LONRF1: variants seen among roughly 807,000 people sequenced by gnomAD.
LONRF1 encodes the protein LON peptidase N-terminal domain and ring finger 1.
A neutral mutation model predicts 85.8 loss-of-function variants in LONRF1; 37 were observed. The observed-to-expected ratio is 0.43, with a 90% CI of 0.33 to 0.57. The LOEUF (loss-of-function observed/expected upper bound fraction) is 0.57. LONRF1 is among the 20% of genes least tolerant of loss of function. LONRF1 has a pLI of 0.04. For synonymous variants in LONRF1, 517 were observed against 390.1 expected (o/e 1.33, Z -3.83); for missense variants, 1,036 against 978.0 (o/e 1.06, Z -0.79).
At chr8:12,738,424 G>T (rs895621095) in intron 3 of LONRF1, among the ~76,000 whole-genome samples, 1 of 152,188 alleles carries the variant, frequency 6.6e-6, no homozygotes, top group East Asian at 1.9e-4. Flanking sequence ...TCAACACAAA[G>T]ACTATAAAAA....
chr8:12,736,804 A>T lies in LONRF1; in HGVS notation c.1355-7T>A. 6.3e-7 allele frequency: 1 copy of T among 1,598,010 alleles called. No homozygotes were observed. The highest frequency in any genetic ancestry group is 2.2e-5 in the East Asian group (1 of 44,690). On this transcript the variant is annotated splice_polypyrimidine_tract_variant and splice_region_variant and intron_variant, in intron 5 of 11. Transcript: ENST00000398246. ...CAGACTTCATTGGGAGTTTCTATTAAAACAAAGACATGGGGTTTTCTTCCT... is the reference window on the plus strand; with the variant it reads ...CAGACTTCATTGGGAGTTTCTATTATAACAAAGACATGGGGTTTTCTTCCT...
At position 12,722,926 on chromosome 8, in the gene LONRF1, T is replaced by A; in HGVS notation, c.*170A>T. ...CTGTGCAAGTTCTTAGTGGTCTAAA[T>A]CCTAGTTGAAGGTATTCATTTGCAG... is the stretch of plus-strand genomic sequence containing the variant. On this transcript the variant is annotated 3_prime_UTR_variant, in exon 12 of 12. Coordinates refer to ENST00000398246, the MANE Select transcript of LONRF1 (RefSeq NM_152271.5). 1.7e-6 allele frequency: 1 copy of A among 597,704 alleles called. No homozygotes were observed. Among genetic ancestry groups the A allele is most frequent in the Non-Finnish European group, 2.9e-6 (1 of 348,096 alleles). The allele number at this position is 597,704 out of a possible 1,614,324, so 37.0% of individuals were successfully genotyped here.
chr8:12,749,168 C>G (rs965246119), intron 1 of LONRF1, among the ~76,000 whole-genome samples: 3 of 152,114 alleles, frequency 2.0e-5, no homozygotes, highest in Non-Finnish European at 2.9e-5. Context: ...TATCTCAAAA[C>G]AAAGTGATGA....
At chr8:12,743,490 G>A (rs963042876) in intron 1 of LONRF1, among the ~76,000 whole-genome samples, 1 of 152,110 alleles carries the variant, frequency 6.6e-6, no homozygotes, top group African/African-American at 2.4e-5. Flanking sequence ...ATTGTAAGTA[G>A]ATCATTTTAG....
intron 10 of LONRF1, 83 bp from the exon 11 acceptor site, chr8:12,725,962 G>A: frequency 2.3e-6 from 3 of 1,330,756 alleles, no homozygotes; most frequent in Non-Finnish European, 3.1e-6. Context: ...ATGGAAAAAG[G>A]GATCAGAAGA....
intron 6 of LONRF1, 145 bp from the exon 7 acceptor site, chr8:12,735,545 A>G (rs1039704038): frequency 8.2e-6 from 5 of 607,746 alleles, no homozygotes; most frequent in South Asian, 3.9e-5. Flanking sequence ...AAGGGCAGTG[A>G]TAAGTGTAAC....
At position 12,755,396 on chromosome 8, in the gene LONRF1, T is replaced by A. The variant is rs1799603745; in HGVS notation, c.25A>T (p.Thr9Ser). Residue 9 changes from threonine (T) to serine (S), a missense_variant, in exon 1 of 12, where the codon ACC (threonine) becomes TCC (serine). This residue lies in a region of LONRF1 where 742 missense variants were observed against 614.4 expected (regional missense o/e 1.21). Coordinates refer to ENST00000398246, the MANE Select transcript of LONRF1 (RefSeq NM_152271.5). ...ATCTCCCGACTCCCTCCTGGGGAGG[T>A]CCTCGCCACCGCCGGAGAGGACATG... MSSPAVAR[T>S]SPGGSREMAP... 6.0e-6 allele frequency: 7 copies of A among 1,168,518 alleles called. No individual in the cohort carries two copies. The East Asian group carries it at 2.8e-4, about 47-fold the overall frequency. The allele number at this position is 1,168,518 out of a possible 1,614,324, so 72.4% of individuals were successfully genotyped here.
chr8:12,744,159 A>T (rs1799051070), intron 1 of LONRF1, among the ~76,000 whole-genome samples: 1 of 152,222 alleles, frequency 6.6e-6, no homozygotes, highest in Non-Finnish European at 1.5e-5. Context: ...TCATTGTAAG[A>T]TGGGCATAAA....
chr8:12,738,178 T>C (rs1420999186), intron 3 of LONRF1, 34 bp from the exon 4 acceptor site: 3 of 1,340,706 alleles, frequency 2.2e-6, no homozygotes, highest in South Asian at 1.5e-5. Flanking sequence ...GTAGAAAATA[T>C]AAAATATTTG....
Position 12,755,226 on chromosome 8 carries a change from C to T in LONRF1, c.195G>A (p.Lys65=), listed in dbSNP as rs1267772866. The part of the protein sequence containing the change: ...GELLALGGHL[K]GALEAFAAAL... ...CCGCCGCGAACGCCTCCAGCGCGCCCTTCAGGTGGCCGCCCAGCGCCAGCA... is the reference window on the plus strand; with the variant it reads ...CCGCCGCGAACGCCTCCAGCGCGCCTTTCAGGTGGCCGCCCAGCGCCAGCA... The change falls in exon 1 of 12, where the codon AAG becomes AAA. Residue 65 remains lysine, a synonymous_variant. Coordinates refer to ENST00000398246, the MANE Select transcript of LONRF1 (RefSeq NM_152271.5). The T allele has an allele frequency of 8.0e-7, 1 of 1,245,814 alleles. No individual in the cohort carries two copies. The highest frequency in any genetic ancestry group is 1.0e-6 in the Non-Finnish European group (1 of 998,426). The allele number at this position is 1,245,814 out of a possible 1,614,324, so 77.2% of individuals were successfully genotyped here.
intron 1 of LONRF1, among the ~76,000 whole-genome samples, chr8:12,752,257 AAAG>A (rs1799437547): frequency 6.6e-6 from 1 of 152,210 alleles, no homozygotes; most frequent in South Asian, 2.1e-4. Context: ...TGCCAATTCC[AAAG>A]AAGTTAAAGC....
chr8:12,738,169 T>A (rs752456896), intron 3 of LONRF1, 25 bp from the exon 4 acceptor site: 1 of 1,377,118 alleles, frequency 7.3e-7, no homozygotes, highest in Non-Finnish European at 9.9e-7. Context: ...TTAAAAGTAG[T>A]AGAAAATATA....
At chr8:12,751,467 G>A (rs1799401278) in intron 1 of LONRF1, among the ~76,000 whole-genome samples, 2 of 150,828 alleles carry the variant, frequency 1.3e-5, no homozygotes, top group African/African-American at 2.4e-5. Context: ...CCACGCCTGG[G>A]TAATTTTTTG....
intron 7 of LONRF1, among the ~76,000 whole-genome samples, chr8:12,733,705 AC>A (rs1335208000): frequency 6.6e-6 from 1 of 152,198 alleles, no homozygotes; most frequent in African/African-American, 2.4e-5. Context: ...TATATATCCA[AC>A]AACAAAGAAA....
chr8:12,751,765 A>G (rs1799416934), intron 1 of LONRF1, among the ~76,000 whole-genome samples: 1 of 151,486 alleles, frequency 6.6e-6, no homozygotes, highest in African/African-American at 2.4e-5. Context: ...AGGTGAACAC[A>G]CGAAGGAGAT....
intron 7 of LONRF1, 122 bp from the exon 8 acceptor site, chr8:12,731,979 TAGTG>T: frequency 1.1e-6 from 1 of 903,244 alleles, no homozygotes; most frequent in Non-Finnish European, 1.7e-6. Flanking sequence ...CTGGATTAAT[TAGTG>T]AGGGGAACAT....
At position 12,754,728 on chromosome 8, in the gene LONRF1, C is replaced by T; in HGVS notation, c.693G>A (p.Leu231=). ...CTCGCAGCGCCTCGCAGGCGGCGGC[C>T]AGGGCCTCCCGGTAGCGCCCCTGGT... The part of the protein sequence containing the change: ...LLHQGRYREA[L]AAACEALRAE... Residue 231 remains leucine, a synonymous_variant, in exon 1 of 12, where the codon CTG becomes CTA. Coordinates refer to ENST00000398246, the MANE Select transcript of LONRF1 (RefSeq NM_152271.5). 2 of 1,415,250 alleles carry T rather than the reference C, an allele frequency of 1.4e-6. No individual in the cohort carries two copies. The allele number at this position is 1,415,250 out of a possible 1,614,324, so 87.7% of individuals were successfully genotyped here. A position where few individuals can be genotyped will look rare whatever the true frequency, so the allele number is the denominator to read the frequency against.
chr8:12,736,743 T>G lies in LONRF1; in HGVS notation c.1409A>C (p.Glu470Ala), dbSNP rs977816194. 1 of 1,611,868 alleles carries G rather than the reference T, an allele frequency of 6.2e-7. No homozygotes were observed. The highest frequency in any genetic ancestry group is 8.5e-7 in the Non-Finnish European group (1 of 1,179,014). Residue 470 changes from glutamate (E) to alanine (A), a missense_variant, in exon 6 of 12, where the codon GAA becomes GCA. Glu to Ala is a moderately radical substitution (Grantham distance 107). Coordinates refer to ENST00000398246, the MANE Select transcript of LONRF1 (RefSeq NM_152271.5). ...FSLAYGDIPEELIDVSDFECS... is the reference protein window; with the variant it reads ...FSLAYGDIPEALIDVSDFECS... ...CTCGAAATCTGAGACATCGATTAAT[T>G]CTTCTGGAATATCACCATAAGCTAA...
In LONRF1 at chr8:12,735,211, T is replaced by C; in HGVS notation, c.1566+75A>G. 14 of 963,218 alleles carry C rather than the reference T, an allele frequency of 1.5e-5. No homozygotes were observed. In the South Asian group the frequency reaches 2.0e-4, roughly 14 times the overall value. The allele number at this position is 963,218 out of a possible 1,614,324, so 59.7% of individuals were successfully genotyped here. On this transcript the variant is annotated intron_variant, in intron 7 of 11. Coordinates refer to ENST00000398246, the MANE Select transcript of LONRF1 (RefSeq NM_152271.5). ...TAATTCTGAACGTGATCATCACTATTTCTATGGCTGAACAGAAATTAAACC... is the reference window on the plus strand; with the variant it reads ...TAATTCTGAACGTGATCATCACTATCTCTATGGCTGAACAGAAATTAAACC...
Sources: allele counts gnomAD v4.1 joint callset (sites outside exome capture counted in the v4.1 genomes callset), GRCh38; gene constraint gnomAD v4.1.1; regional missense constraint gnomAD v4.1.1; transcripts MANE v1.5; gene names NCBI Gene and HGNC (gene_info 2026-07-23, HGNC 2026-07-21).